ST7: variants seen among roughly 807,000 people sequenced by gnomAD.
The protein encoded by ST7 is suppression of tumorigenicity 7, also known as suppressor of tumorigenicity 7 protein.
Under a neutral mutation model 78.7 loss-of-function variants are expected in ST7, and 28 were observed. The ratio of observed to expected loss-of-function variants is 0.36; its 90% CI spans 0.26 to 0.49. The LOEUF (loss-of-function observed/expected upper bound fraction) is 0.49. ST7 is among the 20% of genes least tolerant of loss of function. The pLI is 0.99. For missense variants in ST7, 418 were observed against 696.0 expected, an observed-to-expected ratio of 0.60 and a Z score of 4.49; for synonymous variants, 247 against 249.6, an observed-to-expected ratio of 0.99 and a Z score of 0.10.
intron 2 of ST7, among the ~76,000 whole-genome samples, chr7:117,113,731 A>C (rs1239820564): frequency 1.3e-5 from 2 of 152,214 alleles, no homozygotes; most frequent in Non-Finnish European, 1.5e-5. Flanking sequence ...AATGAAACTG[A>C]CTGCATCAGA....
rs202245101 is a variant in ST7, at chr7:117,027,457, T to TAAAGTAAAAGTA, written c.152-72302_152-72291dup. Among the ~76,000 whole-genome samples the TAAAGTAAAAGTA allele has an allele frequency of 2.0e-3, 246 of 121,924 alleles. 13 individuals are homozygous for TAAAGTAAAAGTA. Among genetic ancestry groups the TAAAGTAAAAGTA allele is most frequent in the African/African-American group, 8.2e-3 (243 of 29,604 alleles). 80.0% of individuals were successfully genotyped at this position (121,924 alleles called of 152,430 possible). A position where few individuals can be genotyped will look rare whatever the true frequency, so the allele number is the denominator to read the frequency against. ...TCCGTCTCAAAAGTGAAAAGTAAAG[T>TAAAGTAAAAGTA]AAAGTAAAAGTAAAGTAAAGTAAAG... is the stretch of plus-strand genomic sequence containing the variant. On this transcript the variant is annotated intron_variant, in intron 1 of 15. Transcript: ENST00000323984.
chr7:117,124,265 G>A (rs947114770), intron 3 of ST7, among the ~76,000 whole-genome samples: 2 of 152,060 alleles, frequency 1.3e-5, no homozygotes, highest in Non-Finnish European at 2.9e-5. Flanking sequence ...CACTCTTAGT[G>A]TCTGCTATCA....
chr7:117,106,616 CTTTTTTTTTTTT>C (rs758855564), intron 2 of ST7, among the ~76,000 whole-genome samples: 1 of 107,750 alleles, frequency 9.3e-6, no homozygotes, highest in South Asian at 3.2e-4. Context: ...TTGTATCATT[CTTTTTTTTTTTT>C]TTTTTTTTTT....
intron 1 of ST7, among the ~76,000 whole-genome samples, chr7:117,001,999 A>C (rs1016669608): frequency 6.6e-6 from 1 of 152,024 alleles, no homozygotes; most frequent in Non-Finnish European, 1.5e-5. Context: ...GCTGAGGCGG[A>C]CGGATCACGA....
At chr7:117,205,296 C>G (rs1419437133) in intron 12 of ST7, among the ~76,000 whole-genome samples, 2 of 151,966 alleles carry the variant, frequency 1.3e-5, no homozygotes, top group African/African-American at 4.8e-5. Context: ...ATGAACATTT[C>G]CCTGTGCTAA....
At chr7:117,055,767 G>A (rs1268454256) in intron 1 of ST7, among the ~76,000 whole-genome samples, 2 of 152,174 alleles carry the variant, frequency 1.3e-5, no homozygotes, top group African/African-American at 4.8e-5. Context: ...CTGGCAGTAG[G>A]ACTTTTTGTT....
intron 1 of ST7, among the ~76,000 whole-genome samples, chr7:116,998,178 G>A (rs187749871): frequency 0.01 from 1,554 of 152,320 alleles, 14 homozygotes; most frequent in Middle Eastern, 0.027. Flanking sequence ...GAATTCGAGC[G>A]TAGCGCTGGC....
chr7:116,966,703 A>G (rs1793137169), intron 1 of ST7, among the ~76,000 whole-genome samples: 1 of 152,308 alleles, frequency 6.6e-6, no homozygotes, highest in East Asian at 1.9e-4. Context: ...TTTCAAATCA[A>G]TTTACTTACT....
intron 1 of ST7, chr7:116,959,619 G>T (rs1391989906): frequency 1.2e-5 from 2 of 171,556 alleles, no homozygotes; most frequent in Non-Finnish European, 2.5e-5. Context: ...GTGGTCAGAG[G>T]CTGTTACAAG....
chr7:117,080,455 A>C (rs1157071101), intron 1 of ST7, among the ~76,000 whole-genome samples: 1 of 151,222 alleles, frequency 6.6e-6, no homozygotes, highest in East Asian at 1.9e-4. Flanking sequence ...ATATTTAACC[A>C]TTTTTCTTGT....
chr7:116,955,250 G>T (rs192042589), intron 1 of ST7: 16 of 381,374 alleles, frequency 4.2e-5, no homozygotes, highest in South Asian at 3.3e-4. Flanking sequence ...GTTGGTAACA[G>T]TGTTAGTCTG....
intron 1 of ST7, among the ~76,000 whole-genome samples, chr7:116,957,846 T>G (rs1792591626): frequency 6.6e-6 from 1 of 152,258 alleles, no homozygotes; most frequent in Non-Finnish European, 1.5e-5. Flanking sequence ...ACGGGCAACT[T>G]TGCTGTTTTT....
chr7:117,195,518 G>T (rs141976060), intron 12 of ST7, among the ~76,000 whole-genome samples: 1 of 152,186 alleles, frequency 6.6e-6, no homozygotes, highest in Non-Finnish European at 1.5e-5. Flanking sequence ...GAGGAAAGAG[G>T]TTTAATTGAC....
At chr7:117,112,451 A>G (rs1259080362) in intron 2 of ST7, 3 of 152,204 alleles carry the variant, frequency 2.0e-5, no homozygotes, top group Non-Finnish European at 4.4e-5. Flanking sequence ...CAAAGTTTAA[A>G]TAATTTGGCC....
chr7:117,195,518 G>A (rs141976060), intron 12 of ST7, among the ~76,000 whole-genome samples: 27 of 152,304 alleles, frequency 1.8e-4, no homozygotes, highest in African/African-American at 6.3e-4. Context: ...GAGGAAAGAG[G>A]TTTAATTGAC....
intron 1 of ST7, among the ~76,000 whole-genome samples, chr7:117,066,612 T>G (rs1276181690): frequency 2.6e-5 from 4 of 151,662 alleles, no homozygotes; most frequent in Non-Finnish European, 5.9e-5. Flanking sequence ...AATACAAATA[T>G]TAGCTGGGTG....
rs1207147384 is a variant in ST7, at chr7:117,152,950, G to A, written c.963+14418G>A. On this transcript the variant is annotated intron_variant, in intron 9 of 15. Transcript: ENST00000323984. The stretch of plus-strand genomic sequence containing the variant: ...GTTTCAACCTTGCCTTCTATTTTTC[G>A]GTAATGGAGAGACACAGTTCAAATG... Among the ~76,000 whole-genome samples the A allele has an allele frequency of 2.0e-5, 3 of 152,062 alleles. No homozygotes were observed. In the South Asian group the frequency reaches 6.2e-4, roughly 32 times the overall value.
chr7:117,169,160 G>T (rs1807794905), intron 9 of ST7, among the ~76,000 whole-genome samples: 1 of 141,322 alleles, frequency 7.1e-6, no homozygotes, highest in South Asian at 2.2e-4. Flanking sequence ...TTTTGAGACG[G>T]AGTCTCACTC....
At chr7:117,021,223 T>C (rs1256162588) in intron 1 of ST7, among the ~76,000 whole-genome samples, 1 of 152,156 alleles carries the variant, frequency 6.6e-6, no homozygotes, top group African/African-American at 2.4e-5. Flanking sequence ...TAAAAACTTA[T>C]ACAATGAAAT....
Sources: gnomAD v4.1 joint callset for allele counts (sites outside exome capture counted in the v4.1 genomes callset) on GRCh38, gnomAD v4.1.1 for gene constraint, MANE v1.5 for transcripts, NCBI Gene and HGNC (gene_info 2026-07-23, HGNC 2026-07-21) for gene names.